Variants in ESR1 observed in about 807,000 individuals in gnomAD.
ESR1 encodes estrogen receptor.
In ESR1, 12 loss-of-function variants were observed where a neutral mutation model predicts 52.7. The observed-to-expected ratio is 0.23, with a 90% CI of 0.15 to 0.37. The LOEUF (loss-of-function observed/expected upper bound fraction) is 0.37. Ranked by LOEUF, ESR1 falls within the 10% of genes least tolerant of loss-of-function variation. The pLI, the probability that ESR1 is intolerant of heterozygous loss-of-function variation, is 1.00. For missense variants in ESR1, 584 were observed against 779.7 expected, an observed-to-expected ratio of 0.75 and a Z score of 2.99; for synonymous variants, 305 against 316.8, an observed-to-expected ratio of 0.96 and a Z score of 0.39.
chr6:152,096,361 G>A (rs1182325471), intron 7 of ESR1, among the ~76,000 whole-genome samples: 1 of 152,150 alleles, frequency 6.6e-6, no homozygotes, highest in East Asian at 1.9e-4. Context: ...TCCTTAGACC[G>A]TGATTCAAAT....
intron 3 of ESR1, among the ~76,000 whole-genome samples, chr6:151,917,907 G>A (rs915880834): frequency 4.6e-5 from 7 of 152,160 alleles, no homozygotes; most frequent in Non-Finnish European, 8.8e-5. Flanking sequence ...CGCTCCCTAC[G>A]TATTTGCTTT....
At chr6:151,903,529 C>T (rs1339474800) in intron 3 of ESR1, among the ~76,000 whole-genome samples, 1 of 149,420 alleles carries the variant, frequency 6.7e-6, no homozygotes, top group Admixed American at 6.6e-5. Flanking sequence ...CACAGAACCC[C>T]ATCTACACTA....
chr6:152,028,456 C>A (rs1173765827), intron 5 of ESR1, among the ~76,000 whole-genome samples: 2 of 152,188 alleles, frequency 1.3e-5, no homozygotes, highest in Non-Finnish European at 2.9e-5. Flanking sequence ...TAATACTGGG[C>A]TTTTCCGATG....
intron 3 of ESR1, among the ~76,000 whole-genome samples, chr6:151,886,198 G>A (rs1793818171): frequency 6.6e-6 from 1 of 152,020 alleles, no homozygotes; most frequent in Non-Finnish European, 1.5e-5. Context: ...TGAATGACAA[G>A]TGAGATGTGT....
chr6:151,956,861 T>TATATAA (rs1228735143), intron 4 of ESR1, among the ~76,000 whole-genome samples: 1,144 of 82,724 alleles, frequency 0.014, 16 homozygotes, highest in African/African-American at 0.036. Context: ...TATATATATA[T>TATATAA]AAATATATAT....
At chr6:152,052,737 A>C (rs1425429389) in intron 5 of ESR1, among the ~76,000 whole-genome samples, 1 of 152,072 alleles carries the variant, frequency 6.6e-6, no homozygotes, top group East Asian at 1.9e-4. Context: ...TTGAAAGATG[A>C]GAAGGACACC....
chr6:152,055,092 G>A (rs574333130), intron 5 of ESR1, among the ~76,000 whole-genome samples: 3 of 151,952 alleles, frequency 2.0e-5, no homozygotes, highest in Non-Finnish European at 4.4e-5. Context: ...TCTGTTGATG[G>A]TCACCCAGGT....
At chr6:151,682,962 T>C (rs568387072) in intron 1 of ESR1, among the ~76,000 whole-genome samples, 1 of 152,334 alleles carries the variant, frequency 6.6e-6, no homozygotes, top group Admixed American at 6.5e-5. Context: ...TGATGTTAAA[T>C]GCATTCATTT....
At chr6:152,127,450 T>C (rs1242818075) in exon 7 of ESR1, 3 of 152,198 alleles carry the variant, frequency 2.0e-5, no homozygotes, top group Admixed American at 1.3e-4. Context: ...AGCTTATCAC[T>C]ATTATCTGTA....
chr6:151,857,225 T>A (rs1176290371), intron 2 of ESR1, among the ~76,000 whole-genome samples: 1 of 152,156 alleles, frequency 6.6e-6, no homozygotes, highest in Non-Finnish European at 1.5e-5. Context: ...AGATTTTCCT[T>A]GTCATTATTC....
intron 2 of ESR1, among the ~76,000 whole-genome samples, chr6:151,799,420 T>C (rs1777016460): frequency 6.6e-6 from 1 of 152,262 alleles, no homozygotes; most frequent in South Asian, 2.1e-4. Flanking sequence ...GCTCTGGTTC[T>C]AAATTTCAGT....
Position 151,781,757 on chromosome 6 carries a change from C to T in ESR1, c.-70-26086C>T, listed in dbSNP as rs547145839. On this transcript the variant is annotated intron_variant, in intron 2 of 2. Coordinates refer to the ESR1 transcript ENST00000404742. Reference sequence around the variant, plus strand: ...TTAATGAGGCAGAATAAAATATCTTCCTACTAAACAGTGACAAGTGTTTGT... The same window carrying T: ...TTAATGAGGCAGAATAAAATATCTTTCTACTAAACAGTGACAAGTGTTTGT... 4.4e-3 allele frequency among the ~76,000 whole-genome samples: 663 copies of T among 151,988 alleles called. 3 individuals are homozygous for T. Among genetic ancestry groups the T allele is most frequent in the African/African-American group, 0.015 (640 of 41,442 alleles).
At chr6:151,840,705 C>T (rs552693393) in intron 1 of ESR1, among the ~76,000 whole-genome samples, 7 of 152,294 alleles carry the variant, frequency 4.6e-5, no homozygotes, top group Admixed American at 1.3e-4. Flanking sequence ...GAAGCTTGAG[C>T]TTCCTTTGCC....
rs1358023406 is a variant in ESR1 at position 152,099,377 on chromosome 6, C to T, written c.*411C>T. On this transcript the variant is annotated 3_prime_UTR_variant, in exon 8 of 8. Coordinates refer to ENST00000206249, the MANE Select transcript of ESR1 (RefSeq NM_000125.4). ...TTTAAATGGCTCTAAGAATAAGCCA[C>T]AGCAAAGAATTTAAAGTGGCTCCTT... 6.1e-6 allele frequency: 2 copies of T among 328,078 alleles called. No homozygotes were observed. Among genetic ancestry groups the T allele is most frequent in the Non-Finnish European group, 1.1e-5 (2 of 174,606 alleles). The allele number at this position is 328,078 out of a possible 1,614,324, so 20.3% of individuals were successfully genotyped here. A position where few individuals can be genotyped will look rare whatever the true frequency, so the allele number is the denominator to read the frequency against.
intron 3 of ESR1, among the ~76,000 whole-genome samples, chr6:151,909,546 G>A (rs920095749): frequency 7.2e-5 from 11 of 152,170 alleles, no homozygotes; most frequent in African/African-American, 2.4e-4. Flanking sequence ...TGCATAAACC[G>A]GTGTCAGGAT....
intron 3 of ESR1, among the ~76,000 whole-genome samples, chr6:151,884,732 C>T (rs895326148): frequency 3.9e-5 from 6 of 152,142 alleles, no homozygotes; most frequent in African/African-American, 7.2e-5. Context: ...ATTGCACTTT[C>T]GGGAATGTGC....
At chr6:151,785,924 A>G (rs901942321) in intron 2 of ESR1, among the ~76,000 whole-genome samples, 3 of 152,160 alleles carry the variant, frequency 2.0e-5, no homozygotes, top group African/African-American at 7.2e-5. Context: ...TGTCCTTTCT[A>G]TTCTCAAAAT....
At position 152,056,514 on chromosome 6, in the gene ESR1, C is replaced by T. The variant is rs190906688; in HGVS notation, c.1236-4477C>T. On this transcript the variant is annotated intron_variant, in intron 5 of 7. Transcript: ENST00000206249. ...AGTGAAGGTTTGATCTGTACACCCT[C>T]GTTAGAGCTCTTTATTTTACATGTG... 9.2e-5 allele frequency among the ~76,000 whole-genome samples: 14 copies of T among 152,254 alleles called. No individual in the cohort carries two copies. In the East Asian group the frequency reaches 9.7e-4, roughly 10 times the overall value.
chr6:151,677,269 C>T (rs1202421674), intron 1 of ESR1, among the ~76,000 whole-genome samples: 2 of 152,196 alleles, frequency 1.3e-5, no homozygotes, highest in East Asian at 3.8e-4. Context: ...TTAGCTATGC[C>T]TGGGGCAGCT....
Sources: gnomAD v4.1 joint callset for allele counts (sites outside exome capture counted in the v4.1 genomes callset) on GRCh38, gnomAD v4.1.1 for gene constraint, MANE v1.5 for transcripts, NCBI Gene and HGNC (gene_info 2026-07-23, HGNC 2026-07-21) for gene names.